The following SPTBN5 variants were observed in gnomAD, a reference collection of about 807,000 sequenced individuals.
SPTBN5 encodes spectrin beta, non-erythrocytic 5.
In SPTBN5, 513 loss-of-function variants were observed where a neutral mutation model predicts 477.6. The observed-to-expected ratio is 1.07, with a 90% CI of 1.00 to 1.16. SPTBN5 has a LOEUF of 1.16. Among genes scored for constraint, SPTBN5 ranks in the 50% most tolerant of loss-of-function variants. The probability of loss-of-function intolerance (pLI) is 0.00; values close to 1 mark genes in which losing one functional copy is unlikely to be tolerated. For synonymous variants in SPTBN5, 2,169 were observed against 2,011.7 expected (o/e 1.08, Z -2.09); for missense variants, 5,062 against 4,731.8 (o/e 1.07, Z -2.05).
chr15:41,873,422 G>T, intron 26 of SPTBN5, 70 bp downstream of exon 26: 1 of 1,181,012 alleles, frequency 8.5e-7, no homozygotes, highest in Non-Finnish European at 1.2e-6. Flanking sequence ...AGAGAGGGAG[G>T]GTGACAGCCC....
chr15:41,854,495 T>G (rs2065874680), intron 56 of SPTBN5, among the ~76,000 whole-genome samples: 2 of 151,922 alleles, frequency 1.3e-5, no homozygotes, highest in African/African-American at 4.8e-5. Flanking sequence ...AGGCCGGTTC[T>G]CGGGGATCTG....
chr15:41,856,307 A>G lies in SPTBN5; in HGVS notation c.9021+79T>C, dbSNP rs984671479. 8.4e-6 allele frequency: 11 copies of G among 1,308,188 alleles called. No homozygotes were observed. The Admixed American group carries it at 1.2e-4, about 15-fold the overall frequency. The allele number at this position is 1,308,188 out of a possible 1,614,324, so 81.0% of individuals were successfully genotyped here. On this transcript the variant is annotated intron_variant, in intron 53 of 67. Transcript: ENST00000320955. ...GGAGACGAAAGGTGCCCAGGCCAGG[A>G]GCCCCGGAGTGACCTCCCAGCCGCA...
At position 41,890,073 on chromosome 15, in the gene SPTBN5, G is replaced by A; in HGVS notation, c.501+16C>T. The stretch of plus-strand genomic sequence containing the variant: ...GCTGGGTCACCAGGTGCTGGGTACT[G>A]GGGACTGAGCCATACCTTGTCCAAG... On this transcript the variant is annotated intron_variant, in intron 4 of 67. Coordinates refer to ENST00000320955, the MANE Select transcript of SPTBN5 (RefSeq NM_016642.4). The A allele has an allele frequency of 3.8e-6, 6 of 1,569,922 alleles. No individual in the cohort carries two copies. Among genetic ancestry groups the A allele is most frequent in the Middle Eastern group, 1.7e-4 (1 of 6,014 alleles).
chr15:41,850,823 G>C, intron 66 of SPTBN5, 31 bp downstream of exon 66: 1 of 1,552,054 alleles, frequency 6.4e-7, no homozygotes, highest in Non-Finnish European at 8.7e-7. Context: ...GGAGTCGGCC[G>C]CCCTCCCCGC....
rs541576308 is a variant in SPTBN5, at chr15:41,863,998, C to T, written c.6945G>A (p.Arg2315=). Residue 2315 remains arginine (R), a synonymous_variant, in exon 40 of 68, where the codon AGG becomes AGA. Coordinates refer to ENST00000320955, the MANE Select transcript of SPTBN5 (RefSeq NM_016642.4). ...GCTGCAGTGACAAGTCACTGATGCT[C>T]CTGATGCAGGCATCACCCACTGTGT... is the stretch of plus-strand genomic sequence containing the variant. ...AGDTVGDACI[R]SISDLSLQLK... is the part of the protein sequence containing the mutation. 2 of 1,613,638 alleles carry T rather than the reference C, an allele frequency of 1.2e-6. No individual in the cohort carries two copies. Among genetic ancestry groups the T allele is most frequent in the Non-Finnish European group, 1.7e-6 (2 of 1,179,854 alleles).
At chr15:41,858,539 G>A (rs2065994856) in intron 49 of SPTBN5, 63 bp downstream of exon 49, 1 of 1,551,692 alleles carries the variant, frequency 6.4e-7, no homozygotes, top group Non-Finnish European at 8.7e-7. Flanking sequence ...ACCAGCTCTG[G>A]GGCACTGTCC....
At position 41,865,660 on chromosome 15, in the gene SPTBN5, G is replaced by A. The variant is rs991927530; in HGVS notation, c.6918+148C>T. 33 of 669,158 alleles carry A rather than the reference G, an allele frequency of 4.9e-5. No individual in the cohort carries two copies. The Admixed American group carries it at 5.1e-4, about 10-fold the overall frequency. 41.5% of individuals were successfully genotyped at this position (669,158 alleles called of 1,614,324 possible). A position where few individuals can be genotyped will look rare whatever the true frequency, so the allele number is the denominator to read the frequency against. ...ATTCTAAAGAGGAAGGAGTGAAGGC[G>A]GGTGAGAGGAGGGAGCCTGCCCGAG... On this transcript the variant is annotated intron_variant, in intron 39 of 67. Transcript: ENST00000320955.
chr15:41,887,091 G>T, intron 6 of SPTBN5, 122 bp downstream of exon 6: 1 of 812,558 alleles, frequency 1.2e-6, no homozygotes, highest in East Asian at 2.7e-5. Flanking sequence ...GATAGAGGGT[G>T]CACAGTGAAG....
chr15:41,867,455 A>G, intron 35 of SPTBN5, 83 bp downstream of exon 35: 1 of 1,326,986 alleles, frequency 7.5e-7, no homozygotes, highest in South Asian at 1.2e-5. Context: ...CTCCAGGAAC[A>G]CACCAAGCGC....
In SPTBN5 at chr15:41,893,447, G is replaced by A; in HGVS notation, c.51C>T (p.His17=). 2 of 1,610,156 alleles carry A rather than the reference G, an allele frequency of 1.2e-6. No homozygotes were observed. The highest frequency in any genetic ancestry group is 2.2e-5 in the East Asian group (1 of 44,816). ...GTTCTGTGCTGGGCCTCCTGCTGCG[G>A]TGCCCTGCAGCCCCGAGGAGCTCCC... ...SPRELLGAAG[H]RSRRPSTELR... is the part of the protein sequence containing the mutation. The change falls in exon 2 of 68, where the codon CAC becomes CAT. Residue 17 remains histidine (H), a synonymous_variant. Transcript: ENST00000320955.
At chr15:41,893,571 T>C in intron 1 of SPTBN5, 25 bp from the exon 2 acceptor site, 1 of 1,520,162 alleles carries the variant, frequency 6.6e-7, no homozygotes, top group East Asian at 2.5e-5. Flanking sequence ...GATTAGGGGA[T>C]GATGTGAATG....
At position 41,871,386 on chromosome 15, in the gene SPTBN5, C is replaced by A; in HGVS notation, c.5436G>T (p.Gln1812His). ...HSAGPMVRQR[Q>H]QDLQTAWSEL... ...CGTTGGGCACTCACTGCAGATCCTG[C>A]TGCCTCTGACGGACCATGGGGCCAG... The change falls in exon 29 of 68, where the codon CAG becomes CAT. Residue 1812 changes from glutamine (Q) to histidine (H), a missense_variant. Physicochemically the swap from Gln to His is conservative, Grantham distance 24 (BLOSUM62 0). Transcript: ENST00000320955. 1 of 1,455,882 alleles carries A rather than the reference C, an allele frequency of 6.9e-7. No homozygotes were observed. Among genetic ancestry groups the A allele is most frequent in the Non-Finnish European group, 9.1e-7 (1 of 1,101,168 alleles). The allele number at this position is 1,455,882 out of a possible 1,614,324, so 90.2% of individuals were successfully genotyped here. A position where few individuals can be genotyped will look rare whatever the true frequency, so the allele number is the denominator to read the frequency against.
chr15:41,887,890 C>T (rs771949760), intron 5 of SPTBN5, 38 bp downstream of exon 5: 4 of 1,584,704 alleles, frequency 2.5e-6, no homozygotes, highest in East Asian at 4.5e-5. Context: ...GCTGTTGGCT[C>T]AGTGGGCAGA....
chr15:41,865,923 G>C lies in SPTBN5; in HGVS notation c.6823-20C>G. The C allele has an allele frequency of 6.4e-7, 1 of 1,557,312 alleles. No homozygotes were observed. The highest frequency in any genetic ancestry group is 8.7e-7 in the Non-Finnish European group (1 of 1,150,538). ...CACCTCCTGTGAAGGCCGAGGGTGG[G>C]GAGGGAGCGCTGTGAGCACCAGCCC... is the stretch of plus-strand genomic sequence containing the variant. On this transcript the variant is annotated intron_variant, in intron 38 of 67. Transcript: ENST00000320955.
In SPTBN5 at chr15:41,862,123, C is replaced by T. The variant is rs921428302; in HGVS notation, c.7548+7G>A. 1.3e-6 allele frequency: 2 copies of T among 1,557,902 alleles called. No homozygotes were observed. The highest frequency in any genetic ancestry group is 2.3e-5 in the East Asian group (1 of 43,112). ...CTGGGAAAGGCTTGGGCCAGCTGCC[C>T]ATTCACCTTGCACTCCTGATGCTCT... is the stretch of plus-strand genomic sequence containing the variant. On this transcript the variant is annotated splice_region_variant and intron_variant, in intron 44 of 67. Transcript: ENST00000320955.
intron 39 of SPTBN5, among the ~76,000 whole-genome samples, chr15:41,865,402 C>T (rs575634331): frequency 3.3e-5 from 5 of 152,274 alleles, no homozygotes; most frequent in South Asian, 4.1e-4. Context: ...TGTGCCCTTC[C>T]CCAGCTTCCC....
In SPTBN5 at chr15:41,848,506, TGAAGCAGCCACGG is replaced by T; in HGVS notation, c.*97_*109del. Reference sequence around the variant, plus strand: ...AGAAGCTGGGCCTGGGGAACTGGGTTGAAGCAGCCACGGGAAGGAGCCCTTTTGCCTGTAGCTG... The same window carrying T: ...AGAAGCTGGGCCTGGGGAACTGGGTTGAAGGAGCCCTTTTGCCTGTAGCTG... On this transcript the variant is annotated 3_prime_UTR_variant, in exon 68 of 68. Transcript: ENST00000320955. The T allele has an allele frequency of 7.5e-7, 1 of 1,331,094 alleles. No individual in the cohort carries two copies. The allele number at this position is 1,331,094 out of a possible 1,614,324, so 82.5% of individuals were successfully genotyped here. A position where few individuals can be genotyped will look rare whatever the true frequency, so the allele number is the denominator to read the frequency against.
In SPTBN5 at chr15:41,868,055, G is replaced by A. The variant is rs747686562; in HGVS notation, c.6207+14C>T. ...AGGAGGCTGAGCGGAGTGTGAGGGC[G>A]GGAGGGGACCTGCCTCCTGGGCCGC... On this transcript the variant is annotated intron_variant, in intron 34 of 67. Coordinates refer to ENST00000320955, the MANE Select transcript of SPTBN5 (RefSeq NM_016642.4). The A allele has an allele frequency of 2.6e-5, 42 of 1,593,700 alleles. No individual in the cohort carries two copies. Among genetic ancestry groups the A allele is most frequent in the Middle Eastern group, 2.2e-4 (1 of 4,526 alleles).
chr15:41,868,329 G>T, intron 33 of SPTBN5, 69 bp downstream of exon 33: 1 of 1,563,944 alleles, frequency 6.4e-7, no homozygotes, highest in Non-Finnish European at 8.7e-7. Flanking sequence ...CAGTAGGACG[G>T]GGCACCAGGT....
Sources: allele counts gnomAD v4.1 joint callset (sites outside exome capture counted in the v4.1 genomes callset), GRCh38; gene constraint gnomAD v4.1.1; transcripts MANE v1.5; gene names NCBI Gene and HGNC (gene_info 2026-07-23, HGNC 2026-07-21).